SPATA17: variants seen among roughly 807,000 people sequenced by gnomAD.
The protein encoded by SPATA17 is spermatogenesis associated 17.
In SPATA17, 53 loss-of-function variants were observed where a neutral mutation model predicts 62.2. The ratio of observed to expected loss-of-function variants is 0.85; its 90% CI spans 0.68 to 1.07. The LOEUF (loss-of-function observed/expected upper bound fraction) is 1.07. Among genes scored for constraint, SPATA17 ranks in the 50% least tolerant of loss-of-function variants. The pLI is 0.00. For synonymous variants in SPATA17, 146 were observed against 146.8 expected (o/e 0.99, Z 0.04); for missense variants, 466 against 425.5 (o/e 1.10, Z -0.84).
intron 9 of SPATA17, chr1:217,850,739 AT>A (rs778363491): frequency 1.7e-5 from 13 of 773,884 alleles, no homozygotes; most frequent in Non-Finnish European, 2.6e-5. Context: ...CCTCCAGAAT[AT>A]TTTATTCATA....
At chr1:217,826,277 C>T (rs1675000136) in intron 9 of SPATA17, among the ~76,000 whole-genome samples, 1 of 152,072 alleles carries the variant, frequency 6.6e-6, no homozygotes, top group South Asian at 2.1e-4. Context: ...TAAGAAGCAG[C>T]CCAATCAACT....
chr1:217,685,310 A>T (rs141979580), intron 5 of SPATA17, among the ~76,000 whole-genome samples: 33 of 152,288 alleles, frequency 2.2e-4, no homozygotes, highest in Non-Finnish European at 3.7e-4. Context: ...AAAGTCAAGG[A>T]GGCAAATAGG....
intron 9 of SPATA17, among the ~76,000 whole-genome samples, chr1:217,859,946 T>C (rs1421101067): frequency 6.6e-6 from 1 of 152,122 alleles, no homozygotes; most frequent in Non-Finnish European, 1.5e-5. Flanking sequence ...GCTTACTTTG[T>C]AATTAATTTG....
intron 5 of SPATA17, among the ~76,000 whole-genome samples, chr1:217,703,935 A>G (rs954715272): frequency 2.6e-5 from 4 of 151,910 alleles, no homozygotes; most frequent in Non-Finnish European, 5.9e-5. Flanking sequence ...CTGAGTTTTT[A>G]TTTTCAATGA....
intron 9 of SPATA17, among the ~76,000 whole-genome samples, chr1:217,823,009 G>A (rs527649474): frequency 4.9e-4 from 74 of 151,182 alleles, no homozygotes; most frequent in African/African-American, 1.8e-3. Context: ...CCTTCTTTTT[G>A]TTATGTTTCA....
intron 7 of SPATA17, chr1:217,781,259 C>T (rs1673720744): frequency 1.3e-5 from 2 of 152,096 alleles, no homozygotes; most frequent in Non-Finnish European, 2.9e-5. Context: ...TGCAGTAACT[C>T]CAGCTGTGTC....
At chr1:217,646,569 C>G (rs1670186422) in intron 1 of SPATA17, among the ~76,000 whole-genome samples, 2 of 151,952 alleles carry the variant, frequency 1.3e-5, no homozygotes, top group African/African-American at 2.4e-5. Flanking sequence ...TCATTTCTTA[C>G]TCTCTTCCCC....
chr1:217,838,633 G>T (rs1240166048), intron 9 of SPATA17, among the ~76,000 whole-genome samples: 2 of 151,998 alleles, frequency 1.3e-5, no homozygotes, highest in African/African-American at 4.8e-5. Flanking sequence ...TTTGCCTGTG[G>T]CCCAAAGACA....
At chr1:217,684,647 C>T (rs1346043864) in intron 5 of SPATA17, among the ~76,000 whole-genome samples, 1 of 152,110 alleles carries the variant, frequency 6.6e-6, no homozygotes, top group South Asian at 2.1e-4. Flanking sequence ...AACTCCTGAC[C>T]TCAGGTGATC....
intron 6 of SPATA17, among the ~76,000 whole-genome samples, chr1:217,749,985 C>CTCTCTCTCTCTCTCTATATATA: frequency 8.1e-5 from 1 of 12,306 alleles, no homozygotes; most frequent in Non-Finnish European, 1.6e-4. Flanking sequence ...CTCTCTCTCT[C>CTCTCTCTCTCTCTCTATATATA]TATATATATA....
intron 8 of SPATA17, among the ~76,000 whole-genome samples, chr1:217,789,490 A>G (rs1673948293): frequency 6.6e-6 from 1 of 152,200 alleles, no homozygotes. Flanking sequence ...GGCGCCAAGC[A>G]AAAAGATTCA....
chr1:217,840,203 A>C (rs1675360492), intron 9 of SPATA17, among the ~76,000 whole-genome samples: 1 of 152,180 alleles, frequency 6.6e-6, no homozygotes, highest in Non-Finnish European at 1.5e-5. Context: ...CCTTGAAAAT[A>C]ATAAGCAAAA....
chr1:217,818,310 A>T (rs1044636791), intron 9 of SPATA17, among the ~76,000 whole-genome samples: 1 of 152,050 alleles, frequency 6.6e-6, no homozygotes, highest in Non-Finnish European at 1.5e-5. Context: ...TTGTCTTTAA[A>T]CATTTATACA....
chr1:217,707,496 C>T (rs1055858244), intron 5 of SPATA17, among the ~76,000 whole-genome samples: 2 of 152,112 alleles, frequency 1.3e-5, no homozygotes, highest in African/African-American at 2.4e-5. Flanking sequence ...GCATCCTTAT[C>T]GTGTTCTATT....
intron 9 of SPATA17, among the ~76,000 whole-genome samples, chr1:217,861,401 A>ATATT (rs1203536501): frequency 1.4e-5 from 2 of 147,936 alleles, no homozygotes; most frequent in Admixed American, 6.8e-5. Context: ...ATATATATAT[A>ATATT]TATTTATAAA....
At chr1:217,816,768 G>T (rs1411931456) in intron 9 of SPATA17, among the ~76,000 whole-genome samples, 1 of 151,958 alleles carries the variant, frequency 6.6e-6, no homozygotes, top group Non-Finnish European at 1.5e-5. Context: ...AGATCAATAT[G>T]TTTTTCCTTT....
At chr1:217,842,737 T>C (rs1373714335) in intron 9 of SPATA17, among the ~76,000 whole-genome samples, 3 of 152,042 alleles carry the variant, frequency 2.0e-5, no homozygotes, top group Non-Finnish European at 4.4e-5. Context: ...AGTTTTTTCA[T>C]GGAATGATCA....
intron 2 of SPATA17, among the ~76,000 whole-genome samples, chr1:217,650,565 C>A (rs1670286427): frequency 6.6e-6 from 1 of 151,966 alleles, no homozygotes; most frequent in Non-Finnish European, 1.5e-5. Context: ...TACAGGCGCG[C>A]ACCGCCACCA....
At chr1:217,737,162 G>A (rs1005703429) in intron 5 of SPATA17, among the ~76,000 whole-genome samples, 5 of 152,158 alleles carry the variant, frequency 3.3e-5, no homozygotes, top group African/African-American at 1.2e-4. Flanking sequence ...TCTGGATGTA[G>A]GAGTTTGGGC....
Sources: allele counts gnomAD v4.1 joint callset (sites outside exome capture counted in the v4.1 genomes callset), GRCh38; gene constraint gnomAD v4.1.1; transcripts MANE v1.5; gene names NCBI Gene and HGNC (gene_info 2026-07-23, HGNC 2026-07-21).